The following DHX58 variants were observed in gnomAD, a reference collection of about 807,000 sequenced individuals.
DHX58 encodes DExH-box helicase 58.
Under a neutral mutation model 65.0 loss-of-function variants are expected in DHX58, and 51 were observed. The observed-to-expected ratio is 0.78, with a 90% CI of 0.63 to 0.99. The LOEUF is 0.99. Ranked by LOEUF, DHX58 falls within the 50% of genes least tolerant of loss-of-function variation. The pLI is 0.00. For missense variants in DHX58, 773 were observed against 891.8 expected, an observed-to-expected ratio of 0.87 and a Z score of 1.70; for synonymous variants, 350 against 365.0, an observed-to-expected ratio of 0.96 and a Z score of 0.47.
intron 13 of DHX58, 124 bp from the exon 14 acceptor site, chr17:42,102,070 CT>C: frequency 7.0e-7 from 1 of 1,436,066 alleles, no homozygotes; most frequent in Non-Finnish European, 9.5e-7. Context: ...AGACTGTGGG[CT>C]CCCTTAGGGA....
intron 11 of DHX58, among the ~76,000 whole-genome samples, chr17:42,104,558 A>G (rs1278426333): frequency 1.3e-5 from 2 of 152,202 alleles, no homozygotes; most frequent in African/African-American, 4.8e-5. Context: ...AGCCTTGGAC[A>G]AGGCCTGTTC....
intron 5 of DHX58, 31 bp downstream of exon 5, chr17:42,110,692 G>T: frequency 6.4e-7 from 1 of 1,559,266 alleles, no homozygotes; most frequent in Non-Finnish European, 8.7e-7. Flanking sequence ...GGTGGGTCTG[G>T]CAGTGGGAGG....
At chr17:42,107,828 C>T (rs368292375) in intron 7 of DHX58, 33 bp from the exon 8 acceptor site, 1 of 1,540,934 alleles carries the variant, frequency 6.5e-7, no homozygotes, top group African/African-American at 1.4e-5. Context: ...CTGAGCAGCC[C>T]ACAGCCCCGC....
chr17:42,111,840 T>C lies in DHX58; in HGVS notation c.53A>G (p.Lys18Arg). The C allele has an allele frequency of 6.2e-7, 1 of 1,614,068 alleles. No homozygotes were observed. ...WEVIMPALEG[K>R]NIIIWLPTGA... ...CGTGGGCAGCCAGATGATGATATTCTTGCCCTCCAGGGCAGGCATGATCAC... is the reference window on the plus strand; with the variant it reads ...CGTGGGCAGCCAGATGATGATATTCCTGCCCTCCAGGGCAGGCATGATCAC... Residue 18 changes from lysine to arginine, a missense_variant, in exon 3 of 14, where the codon AAG (lysine) becomes AGG (arginine). Lys to Arg is a conservative substitution (Grantham distance 26). Coordinates refer to ENST00000251642, the MANE Select transcript of DHX58 (RefSeq NM_024119.3).
intron 8 of DHX58, 33 bp downstream of exon 8, chr17:42,107,571 T>A: frequency 7.3e-6 from 11 of 1,508,664 alleles, no homozygotes; most frequent in Non-Finnish European, 8.9e-6. Flanking sequence ...GGTCCCATCA[T>A]CCCCGGCCCC....
At chr17:42,105,188 G>A (rs1163430395) in intron 9 of DHX58, 21 bp from the exon 10 acceptor site, 1 of 1,590,880 alleles carries the variant, frequency 6.3e-7, no homozygotes, top group South Asian at 1.1e-5. Flanking sequence ...AGGGCAGGGA[G>A]GAGAAAGAGG....
rs553463103 is a variant in DHX58, at chr17:42,102,382, C to T, written c.1755-70G>A. The T allele has an allele frequency of 5.6e-5, 77 of 1,381,948 alleles. No homozygotes were observed. The Admixed American group carries it at 1.0e-3, about 18-fold the overall frequency. 85.6% of individuals were successfully genotyped at this position (1,381,948 alleles called of 1,614,324 possible). On this transcript the variant is annotated intron_variant, in intron 12 of 13. Coordinates refer to ENST00000251642, the MANE Select transcript of DHX58 (RefSeq NM_024119.3). Reference sequence around the variant, plus strand: ...AGCCCCGGATCTCATGCCCTCCTGCCGGCCAAGTCTCTGCCTGGACCTTGG... The same window carrying T: ...AGCCCCGGATCTCATGCCCTCCTGCTGGCCAAGTCTCTGCCTGGACCTTGG...
intron 6 of DHX58, among the ~76,000 whole-genome samples, chr17:42,108,508 C>T (rs1027012719): frequency 1.3e-5 from 2 of 152,230 alleles, no homozygotes; most frequent in African/African-American, 4.8e-5. Flanking sequence ...ACGCTGTTCA[C>T]GGAGCTTGGT....
intron 11 of DHX58, 70 bp downstream of exon 11, chr17:42,104,696 T>C: frequency 6.3e-7 from 1 of 1,581,244 alleles, no homozygotes; most frequent in Non-Finnish European, 8.6e-7. Context: ...ATGTGTGCAG[T>C]CAGAAACCTG....
At chr17:42,110,199 A>G (rs2054128221) in intron 5 of DHX58, among the ~76,000 whole-genome samples, 2 of 151,992 alleles carry the variant, frequency 1.3e-5, no homozygotes, top group African/African-American at 2.4e-5. Context: ...AAAAAAAAAA[A>G]AAAAAGAAAA....
chr17:42,106,009 T>C lies in DHX58; in HGVS notation c.998-20A>G, dbSNP rs1362763010. On this transcript the variant is annotated intron_variant, in intron 8 of 13. Coordinates refer to ENST00000251642, the MANE Select transcript of DHX58 (RefSeq NM_024119.3). ...TGCGGTCTGTCAAAAACCCCAAAAT[T>C]TAGCTGGGTGTAGTGGCACATGTCT... The C allele has an allele frequency of 1.2e-6, 2 of 1,603,026 alleles. No individual in the cohort carries two copies. The highest frequency in any genetic ancestry group is 1.7e-6 in the Non-Finnish European group (2 of 1,174,534).
At chr17:42,108,243 G>A in intron 6 of DHX58, 135 bp from the exon 7 acceptor site, 10 of 1,387,448 alleles carry the variant, frequency 7.2e-6, no homozygotes, top group Non-Finnish European at 9.8e-6. Context: ...AGCTCCAGAG[G>A]GAGGCCGGCT....
intron 4 of DHX58, 108 bp downstream of exon 4, chr17:42,111,188 C>T (rs2054145393): frequency 7.1e-7 from 1 of 1,407,212 alleles, no homozygotes; most frequent in Admixed American, 2.1e-5. Flanking sequence ...CAGGCAACCC[C>T]TCACTCCCAC....
chr17:42,102,286 G>C lies in DHX58; in HGVS notation c.1781C>G (p.Pro594Arg). The C allele has an allele frequency of 1.2e-6, 2 of 1,614,174 alleles. No individual in the cohort carries two copies. Among genetic ancestry groups the C allele is most frequent in the South Asian group, 2.2e-5 (2 of 91,092 alleles). The change falls in exon 13 of 14, where the codon CCT becomes CGT. Residue 594 changes from proline (P) to arginine (R), a missense_variant. By Grantham distance (103) the Pro-to-Arg change is moderately radical (BLOSUM62 -2). Coordinates refer to ENST00000251642, the MANE Select transcript of DHX58 (RefSeq NM_024119.3). ...FSNYYNVSRD[P>R]VVINKVFKDW... ...CTTGAAGACTTTGTTGATGACCACA[G>C]GATCCCTGGAGACATTATAGTAGTT...
chr17:42,102,137 T>C, intron 13 of DHX58, 79 bp downstream of exon 13: 1 of 1,536,682 alleles, frequency 6.5e-7, no homozygotes, highest in Non-Finnish European at 9.0e-7. Flanking sequence ...GTCTCCCGTG[T>C]CCTAGTGAGG....
chr17:42,104,150 G>T (rs1398396541), intron 11 of DHX58, among the ~76,000 whole-genome samples: 2 of 151,836 alleles, frequency 1.3e-5, no homozygotes, highest in Admixed American at 1.3e-4. Context: ...TTGAGCCCAG[G>T]AGGTGGAGAT....
In DHX58 at chr17:42,104,840, CGTT is replaced by C; in HGVS notation, c.1486_1488del (p.Asn496del). 1 of 1,614,182 alleles carries C rather than the reference CGTT, an allele frequency of 6.2e-7. No homozygotes were observed. Among genetic ancestry groups the C allele is most frequent in the Non-Finnish European group, 8.5e-7 (1 of 1,180,034 alleles). ...TGCTCCATCAGCGTCTCCAGCGCCTCGTTGATCAGCTCCCGCTTCAGCTCCCGG... is the reference window on the plus strand; with the variant it reads ...TGCTCCATCAGCGTCTCCAGCGCCTCGATCAGCTCCCGCTTCAGCTCCCGG... On this transcript the variant is annotated inframe_deletion, in exon 11 of 14. Coordinates refer to ENST00000251642, the MANE Select transcript of DHX58 (RefSeq NM_024119.3).
In DHX58 at chr17:42,111,769, G is replaced by A. The variant is rs782300137; in HGVS notation, c.124C>T (p.Leu42=). 3 of 1,613,930 alleles carry A rather than the reference G, an allele frequency of 1.9e-6. No homozygotes were observed. Among genetic ancestry groups the A allele is most frequent in the Admixed American group, 3.3e-5 (2 of 59,986 alleles). Residue 42 remains leucine, a synonymous_variant, in exon 3 of 14, where the codon CTA becomes TTA. Transcript: ENST00000251642. ...RAAAYVAKRH[L]ETVDGAKVVV... ...ACCTTGGCTCCATCCACAGTCTCTAGGTGCCGCTTGGCCACATAAGCAGCC... is the reference window on the plus strand; with the variant it reads ...ACCTTGGCTCCATCCACAGTCTCTAAGTGCCGCTTGGCCACATAAGCAGCC...
In DHX58 at chr17:42,103,684, T is replaced by C. The variant is rs2054011606; in HGVS notation, c.1678A>G (p.Met560Val). 6.2e-7 allele frequency: 1 copy of C among 1,613,904 alleles called. No homozygotes were observed. The change falls in exon 12 of 14, where the codon ATG becomes GTG. Residue 560 changes from methionine to valine, a missense_variant. Transcript: ENST00000251642. ...TCGCTGCCATGGCCCACAGCCACCA[T>C]GCAGTTGATGCAGAGTAGCTGCACG... ...EHVQLLCINCMVAVGHGSDLR... is the reference protein window; with the variant it reads ...EHVQLLCINCVVAVGHGSDLR...
Sources: allele counts gnomAD v4.1 joint callset (sites outside exome capture counted in the v4.1 genomes callset), GRCh38; gene constraint gnomAD v4.1.1; transcripts MANE v1.5; gene names NCBI Gene and HGNC (gene_info 2026-07-23, HGNC 2026-07-21).